Variants in GPC6 observed in about 807,000 individuals in gnomAD.
GPC6 encodes the protein glypican 6.
GPC6 carries 14 observed loss-of-function variants against 55.2 expected under a neutral mutation model. That is an observed-to-expected ratio of 0.25 (90% CI 0.17 to 0.40). GPC6 has a LOEUF of 0.40. Among genes scored for constraint, GPC6 ranks in the 10% least tolerant of loss-of-function variants. The pLI is 1.00. For synonymous variants in GPC6, 278 were observed against 259.6 expected (o/e 1.07, Z -0.68); for missense variants, 641 against 708.5 (o/e 0.90, Z 1.08).
intron 3 of GPC6, among the ~76,000 whole-genome samples, chr13:94,026,718 C>A (rs889327389): frequency 2.6e-5 from 4 of 152,048 alleles, no homozygotes; most frequent in African/African-American, 9.7e-5. Context: ...ATGCACAGTG[C>A]AGCATGGCTG....
intron 6 of GPC6, among the ~76,000 whole-genome samples, chr13:94,316,873 C>A (rs929031921): frequency 6.6e-6 from 1 of 152,142 alleles, no homozygotes; most frequent in African/African-American, 2.4e-5. Flanking sequence ...TTAGGCAAAG[C>A]GATTTTTCTG....
chr13:93,982,465 G>A (rs1880849783), intron 3 of GPC6, among the ~76,000 whole-genome samples: 1 of 152,120 alleles, frequency 6.6e-6, no homozygotes, highest in Non-Finnish European at 1.5e-5. Context: ...GAAGTGGTTT[G>A]TATACTTGTA....
chr13:93,278,823 A>G (rs1378675796), intron 1 of GPC6, among the ~76,000 whole-genome samples: 1 of 152,198 alleles, frequency 6.6e-6, no homozygotes, highest in African/African-American at 2.4e-5. Context: ...ATGCTAAATG[A>G]GTAGATTTTA....
chr13:93,545,271 T>G lies in GPC6; in HGVS notation c.169T>G (p.Leu57Val). Reference sequence around the variant, plus strand: ...TTAACTTCTCATTGCAGGGGAACACTTAAGAATCTGTCCTCAGGAATATAC... The same window carrying G: ...TTAACTTCTCATTGCAGGGGAACACGTAAGAATCTGTCCTCAGGAATATAC... The part of the protein sequence containing the change: ...IPYQEIAGEH[L>V]RICPQEYTCC... Residue 57 changes from leucine (L) to valine (V), a missense_variant, in exon 2 of 9, where the codon TTA (leucine) becomes GTA (valine). Transcript: ENST00000377047. The G allele has an allele frequency of 6.2e-7, 1 of 1,613,308 alleles. No individual in the cohort carries two copies. The highest frequency in any genetic ancestry group is 2.2e-5 in the East Asian group (1 of 44,836).
chr13:93,496,225 G>T (rs368894937), intron 1 of GPC6, among the ~76,000 whole-genome samples: 2 of 152,146 alleles, frequency 1.3e-5, no homozygotes, highest in Non-Finnish European at 2.9e-5. Context: ...ATAGTCTCGT[G>T]GTGCGCCGTT....
intron 1 of GPC6, among the ~76,000 whole-genome samples, chr13:93,486,438 A>G (rs971099240): frequency 6.6e-6 from 1 of 152,242 alleles, no homozygotes; most frequent in Non-Finnish European, 1.5e-5. Context: ...CAGGTGATAC[A>G]TGAAGAATTT....
In GPC6 at chr13:94,403,695, A is replaced by G. The variant is rs562752344; in HGVS notation, c.*478A>G. 6 of 196,434 alleles carry G rather than the reference A, an allele frequency of 3.1e-5. No individual in the cohort carries two copies. Among genetic ancestry groups the G allele is most frequent in the South Asian group, 1.9e-4 (2 of 10,556 alleles). 12.2% of individuals were successfully genotyped at this position (196,434 alleles called of 1,614,324 possible). On this transcript the variant is annotated 3_prime_UTR_variant, in exon 9 of 9. Coordinates refer to ENST00000377047, the MANE Select transcript of GPC6 (RefSeq NM_005708.5). ...ACTGTAAGTTCAGCATTGACAGCCAACTTCCAGTGTAAGCTTTTTTGTGAC... is the reference window on the plus strand; with the variant it reads ...ACTGTAAGTTCAGCATTGACAGCCAGCTTCCAGTGTAAGCTTTTTTGTGAC...
chr13:93,375,888 G>A (rs1214958546), intron 1 of GPC6, among the ~76,000 whole-genome samples: 4 of 152,178 alleles, frequency 2.6e-5, no homozygotes, highest in Non-Finnish European at 5.9e-5. Context: ...ATATATAACG[G>A]AGGAACCTCA....
chr13:94,115,348 G>C (rs181190286), intron 4 of GPC6, among the ~76,000 whole-genome samples: 4 of 152,032 alleles, frequency 2.6e-5, no homozygotes, highest in Non-Finnish European at 4.4e-5. Flanking sequence ...AGGGGTTGGT[G>C]GGGGGGTGTC....
At chr13:93,767,468 T>G (rs1594439804) in intron 2 of GPC6, among the ~76,000 whole-genome samples, 2 of 152,298 alleles carry the variant, frequency 1.3e-5, no homozygotes, top group South Asian at 4.2e-4. Flanking sequence ...AGTAAAAATA[T>G]TTTTAGAATC....
In GPC6 at chr13:94,027,847, G is replaced by T. The variant is rs1882961812; in HGVS notation, c.830G>T (p.Cys277Phe). 1 of 1,613,974 alleles carries T rather than the reference G, an allele frequency of 6.2e-7. No individual in the cohort carries two copies. Among genetic ancestry groups the T allele is most frequent in the African/African-American group, 1.3e-5 (1 of 74,908 alleles). The change falls in exon 4 of 9, where the codon TGC (cysteine) becomes TTC (phenylalanine). Residue 277 changes from cysteine (C) to phenylalanine (F), a missense_variant. Cys to Phe is a radical substitution (Grantham distance 205). Coordinates refer to ENST00000377047, the MANE Select transcript of GPC6 (RefSeq NM_005708.5). ...TACTGTCTCAACGTCATGAAGGGCT[G>T]CTTGGCAAATCAGGCTGACCTCGAC... is the stretch of plus-strand genomic sequence containing the variant. The part of the protein sequence containing the change: ...NNYCLNVMKG[C>F]LANQADLDTE...
intron 7 of GPC6, 43 bp downstream of exon 7, chr13:94,382,593 C>A: frequency 6.2e-7 from 1 of 1,612,334 alleles, no homozygotes; most frequent in Non-Finnish European, 8.5e-7. Context: ...GCACAGCACA[C>A]CCAGCCTTGG....
intron 2 of GPC6, among the ~76,000 whole-genome samples, chr13:93,696,527 C>G (rs1159772758): frequency 6.6e-6 from 1 of 150,910 alleles, no homozygotes; most frequent in Non-Finnish European, 1.5e-5. Flanking sequence ...ACTTTCTTCC[C>G]TCCCCCTTTT....
chr13:94,375,410 C>A (rs1403956023), intron 6 of GPC6, among the ~76,000 whole-genome samples: 2 of 152,102 alleles, frequency 1.3e-5, no homozygotes, highest in African/African-American at 4.8e-5. Context: ...TCAGAGAATA[C>A]TACAAACACC....
At chr13:93,348,897 A>G (rs1017494711) in intron 1 of GPC6, among the ~76,000 whole-genome samples, 1 of 152,104 alleles carries the variant, frequency 6.6e-6, no homozygotes, top group Non-Finnish European at 1.5e-5. Flanking sequence ...CAAACATGGG[A>G]TATTTTTTTC....
intron 3 of GPC6, among the ~76,000 whole-genome samples, chr13:93,846,654 G>A (rs1594517863): frequency 6.6e-6 from 1 of 152,054 alleles, no homozygotes; most frequent in Non-Finnish European, 1.5e-5. Context: ...TCTACTTAAA[G>A]TACAAAAAAA....
chr13:94,344,319 G>C (rs1379519291), intron 6 of GPC6, among the ~76,000 whole-genome samples: 1 of 152,178 alleles, frequency 6.6e-6, no homozygotes, highest in African/African-American at 2.4e-5. Flanking sequence ...GGGAGAATGT[G>C]AACATTCAGG....
intron 4 of GPC6, among the ~76,000 whole-genome samples, chr13:94,065,205 C>A (rs1368030737): frequency 1.3e-5 from 2 of 152,070 alleles, no homozygotes; most frequent in Non-Finnish European, 2.9e-5. Context: ...CTTTCCTCTG[C>A]CAATTTGCAA....
In GPC6 at chr13:93,539,573, G is replaced by A. The variant is rs147297402; in HGVS notation, c.161-5690G>A. ...GAAAGCAGAGTTAATTCTATAATAA[G>A]GTAATTCTCTAATAAGGCATTTCAA... On this transcript the variant is annotated intron_variant, in intron 1 of 8. Transcript: ENST00000377047. Among the ~76,000 whole-genome samples the A allele has an allele frequency of 5.9e-5, 9 of 152,080 alleles. No homozygotes were observed. The East Asian group carries it at 9.7e-4, about 16-fold the overall frequency.
Sources: allele counts gnomAD v4.1 joint callset (sites outside exome capture counted in the v4.1 genomes callset), GRCh38; gene constraint gnomAD v4.1.1; transcripts MANE v1.5; gene names NCBI Gene and HGNC (gene_info 2026-07-23, HGNC 2026-07-21).